Variants in LCA5 observed in about 807,000 individuals in gnomAD.
The protein encoded by LCA5 is lebercilin LCA5, also known as lebercilin.
In LCA5, 37 loss-of-function variants were observed where a neutral mutation model predicts 53.0. The ratio of observed to expected loss-of-function variants is 0.70; its 90% confidence interval spans 0.54 to 0.92. LCA5 has a LOEUF of 0.92. Among genes scored for constraint, LCA5 ranks in the 40% least tolerant of loss-of-function variants. The pLI is 0.00. For missense variants in LCA5, 806 were observed against 790.5 expected (o/e 1.02, Z -0.23); for synonymous variants, 303 against 282.9 (o/e 1.07, Z -0.71).
At chr6:79,521,252 C>T (rs1240251321) in intron 1 of LCA5, among the ~76,000 whole-genome samples, 2 of 152,112 alleles carry the variant, frequency 1.3e-5, no homozygotes, top group Admixed American at 6.5e-5. Flanking sequence ...TTGGAAATTA[C>T]GATTTTTAGA....
At chr6:79,514,598 C>A (rs917366317) in intron 2 of LCA5, among the ~76,000 whole-genome samples, 2 of 152,112 alleles carry the variant, frequency 1.3e-5, no homozygotes, top group African/African-American at 4.8e-5. Flanking sequence ...ATAGCAAAGA[C>A]ATGGAATCAA....
At chr6:79,513,908 G>A (rs895990475) in intron 2 of LCA5, among the ~76,000 whole-genome samples, 167 bp from the exon 3 acceptor site, 2 of 152,092 alleles carry the variant, frequency 1.3e-5, no homozygotes, top group African/African-American at 2.4e-5. Context: ...GCTCTAAATA[G>A]GTTTCTATTA....
At chr6:79,518,052 G>C (rs111718701) in intron 2 of LCA5, among the ~76,000 whole-genome samples, 1 of 152,036 alleles carries the variant, frequency 6.6e-6, no homozygotes, top group African/African-American at 2.4e-5. Flanking sequence ...AACTACAATG[G>C]GGTTTTCTTG....
Position 79,518,989 on chromosome 6 carries a change from G to T in LCA5, c.-95C>A. The T allele has an allele frequency of 8.9e-7, 1 of 1,127,428 alleles. No homozygotes were observed. Among genetic ancestry groups the T allele is most frequent in the Non-Finnish European group, 1.4e-6 (1 of 740,468 alleles). 69.8% of individuals were successfully genotyped at this position (1,127,428 alleles called of 1,614,324 possible). ...CTGAAAAACATTTTCACAGTCTTCA[G>T]ATCCTGATAATATTCATTTCTGTGC... On this transcript the variant is annotated 5_prime_UTR_variant, in exon 2 of 8. The change creates a new upstream start codon in the 5' untranslated region. Transcript: ENST00000369846.
intron 2 of LCA5, among the ~76,000 whole-genome samples, chr6:79,514,033 T>C (rs1467657013): frequency 6.6e-6 from 1 of 152,162 alleles, no homozygotes; most frequent in African/African-American, 2.4e-5. Flanking sequence ...ACTTTTTAGA[T>C]AAGATGGCAA....
At position 79,513,078 on chromosome 6, in the gene LCA5, C is replaced by T. The variant is rs1582639696; in HGVS notation, c.720+134G>A. 8.3e-6 allele frequency: 7 copies of T among 847,320 alleles called. No homozygotes were observed. The East Asian group carries it at 1.8e-4, about 22-fold the overall frequency. The allele number at this position is 847,320 out of a possible 1,614,324, so 52.5% of individuals were successfully genotyped here. ...CTCTTAAATATAAAATCCAAATTTT[C>T]CCAAAACAGTACTAAAAATAGTTTT... On this transcript the variant is annotated intron_variant, in intron 3 of 7. Coordinates refer to ENST00000369846, the MANE Select transcript of LCA5 (RefSeq NM_001122769.3).
chr6:79,523,732 C>T (rs954159738), intron 1 of LCA5, among the ~76,000 whole-genome samples: 5 of 151,994 alleles, frequency 3.3e-5, no homozygotes, highest in African/African-American at 7.3e-5. Context: ...TATCTAAATC[C>T]GAGGGGCCCA....
rs758832613 is a variant in LCA5, at chr6:79,518,760, A to C, written c.135T>G (p.Ser45Arg). ...RSSLVSSSPA[S>R]VRRKNPKRQT... ...GTCTTTTAGGATTTTTTCTCCTAAC[A>C]CTTGCAGGTGAAGAACTGACCAGCG... Residue 45 changes from serine (S) to arginine (R), a missense_variant, in exon 2 of 8, where the codon AGT (serine) becomes AGG (arginine). By Grantham distance (110) the Ser-to-Arg change is moderately radical. Transcript: ENST00000369846. 1 of 1,614,102 alleles carries C rather than the reference A, an allele frequency of 6.2e-7. No individual in the cohort carries two copies. The highest frequency in any genetic ancestry group is 2.2e-5 in the East Asian group (1 of 44,878).
intron 6 of LCA5, among the ~76,000 whole-genome samples, chr6:79,491,369 G>A (rs1440487787): frequency 6.6e-6 from 1 of 152,098 alleles, no homozygotes; most frequent in East Asian, 1.9e-4. Context: ...ATGCTGGTGT[G>A]CTGCACCCAT....
intron 1 of LCA5, among the ~76,000 whole-genome samples, chr6:79,529,740 G>A (rs1208878460): frequency 1.3e-5 from 2 of 152,036 alleles, no homozygotes; most frequent in Non-Finnish European, 2.9e-5. Context: ...TTAAGAAAAT[G>A]TGGCACATAT....
At chr6:79,515,705 T>A (rs892782023) in intron 2 of LCA5, among the ~76,000 whole-genome samples, 2 of 152,122 alleles carry the variant, frequency 1.3e-5, no homozygotes, top group African/African-American at 4.8e-5. Flanking sequence ...CCATGGATAC[T>A]TGATTCCATT....
At chr6:79,509,874 C>T (rs552135268) in intron 3 of LCA5, among the ~76,000 whole-genome samples, 5 of 152,088 alleles carry the variant, frequency 3.3e-5, no homozygotes, top group Non-Finnish European at 7.4e-5. Flanking sequence ...AATGGAGACA[C>T]ATACTATGTG....
chr6:79,493,480 T>C (rs555290514), intron 4 of LCA5, 133 bp downstream of exon 4: 1 of 862,738 alleles, frequency 1.2e-6, no homozygotes, highest in East Asian at 2.7e-5. Flanking sequence ...TTCTAAGTGC[T>C]AAAGATAATA....
chr6:79,498,711 A>AT (rs1184922532), intron 3 of LCA5, among the ~76,000 whole-genome samples: 14 of 152,060 alleles, frequency 9.2e-5, no homozygotes, highest in East Asian at 7.7e-4. Flanking sequence ...ATTAAGAAGA[A>AT]TTTTTTTTAA....
intron 3 of LCA5, among the ~76,000 whole-genome samples, chr6:79,500,968 A>G (rs1294073771): frequency 6.6e-6 from 1 of 152,064 alleles, no homozygotes; most frequent in Non-Finnish European, 1.5e-5. Context: ...ATGTGATCTG[A>G]CCAATAAAAT....
intron 1 of LCA5, among the ~76,000 whole-genome samples, chr6:79,530,920 AATT>A (rs1394779049): frequency 6.6e-6 from 1 of 152,184 alleles, no homozygotes; most frequent in African/African-American, 2.4e-5. Flanking sequence ...TAAAGGAAGT[AATT>A]ATTAAGTTTT....
chr6:79,534,295 T>C (rs1767044497), intron 1 of LCA5, among the ~76,000 whole-genome samples: 1 of 151,950 alleles, frequency 6.6e-6, no homozygotes, highest in Admixed American at 6.6e-5. Flanking sequence ...ACATTTGAAA[T>C]GTAAGACATA....
intron 3 of LCA5, among the ~76,000 whole-genome samples, chr6:79,497,183 C>T (rs1363032222): frequency 2.6e-5 from 4 of 151,938 alleles, no homozygotes; most frequent in Admixed American, 2.6e-4. Context: ...TGATAAATAC[C>T]GGATCAGAAA....
intron 3 of LCA5, among the ~76,000 whole-genome samples, chr6:79,507,987 G>A (rs946058001): frequency 6.6e-6 from 1 of 152,080 alleles, no homozygotes; most frequent in African/African-American, 2.4e-5. Context: ...GAAGTTAATA[G>A]GTATCCCATG....
Sources: allele counts gnomAD v4.1 joint callset (sites outside exome capture counted in the v4.1 genomes callset), GRCh38; gene constraint gnomAD v4.1.1; transcripts MANE v1.5; gene names NCBI Gene and HGNC (gene_info 2026-07-23, HGNC 2026-07-21).